PCBP3: variants seen among roughly 807,000 people sequenced by gnomAD.
The protein encoded by PCBP3 is poly(rC)-binding protein 3.
PCBP3 carries 25 observed loss-of-function variants against 52.7 expected under a neutral mutation model. The observed-to-expected ratio is 0.47, with a 90% CI of 0.35 to 0.66. The LOEUF (loss-of-function observed/expected upper bound fraction) is 0.66. Ranked by LOEUF, PCBP3 falls within the 30% of genes least tolerant of loss-of-function variation. The pLI, the probability that PCBP3 is intolerant of heterozygous loss-of-function variation, is 0.01. For synonymous variants in PCBP3, 162 were observed against 183.0 expected (o/e 0.89, Z 0.93); for missense variants, 391 against 490.3 (o/e 0.80, Z 1.91).
chr21:45,842,294 G>T (rs1053950825), intron 4 of PCBP3, among the ~76,000 whole-genome samples: 10 of 152,190 alleles, frequency 6.6e-5, no homozygotes, highest in Non-Finnish European at 1.3e-4. Context: ...TTGCTCTCAG[G>T]ATATTCACCT....
chr21:45,890,062 G>A (rs4819163), intron 5 of PCBP3, among the ~76,000 whole-genome samples: 70,481 of 152,212 alleles, frequency 0.46, 18,012 homozygotes, highest in African/African-American at 0.69. Context: ...CTGGGACTGC[G>A]TCTGTCACTG....
chr21:45,868,578 C>T (rs1310371322), intron 5 of PCBP3, among the ~76,000 whole-genome samples: 3 of 152,308 alleles, frequency 2.0e-5, no homozygotes, highest in South Asian at 2.1e-4. Context: ...ACGTGGGTCT[C>T]GGGGTCCCCA....
At chr21:45,895,577 C>T (rs1041680819) in intron 5 of PCBP3, among the ~76,000 whole-genome samples, 1 of 152,214 alleles carries the variant, frequency 6.6e-6, no homozygotes, top group Non-Finnish European at 1.5e-5. Flanking sequence ...CAGTGGGCTC[C>T]GTCAACTCAC....
intron 9 of PCBP3, among the ~76,000 whole-genome samples, chr21:45,909,107 C>G (rs370743127): frequency 3.3e-5 from 5 of 151,936 alleles, no homozygotes; most frequent in African/African-American, 1.2e-4. Context: ...AAGGCCAGAC[C>G]CGCCCCAACC....
chr21:45,729,334 G>A (rs916848252), intron 2 of PCBP3, among the ~76,000 whole-genome samples: 10 of 152,108 alleles, frequency 6.6e-5, no homozygotes, highest in African/African-American at 1.7e-4. Context: ...TTGTTTCCCC[G>A]TGTTGGCTAT....
chr21:45,846,149 G>A (rs1043511309), intron 4 of PCBP3, among the ~76,000 whole-genome samples: 1 of 152,236 alleles, frequency 6.6e-6, no homozygotes, highest in African/African-American at 2.4e-5. Flanking sequence ...GTTCTGTCAT[G>A]TCACTCTCTC....
intron 4 of PCBP3, among the ~76,000 whole-genome samples, chr21:45,825,416 C>A (rs1444576562): frequency 6.6e-6 from 1 of 152,080 alleles, no homozygotes; most frequent in Non-Finnish European, 1.5e-5. Context: ...AGCCCAGGAC[C>A]TGAGCGCTCA....
At chr21:45,864,328 G>A (rs1216089056) in intron 5 of PCBP3, among the ~76,000 whole-genome samples, 1 of 152,232 alleles carries the variant, frequency 6.6e-6, no homozygotes, top group Non-Finnish European at 1.5e-5. Context: ...TGGATGGAGA[G>A]CATGCACTTT....
At chr21:45,907,512 TC>T (rs1330721631) in intron 9 of PCBP3, among the ~76,000 whole-genome samples, 2 of 152,252 alleles carry the variant, frequency 1.3e-5, no homozygotes, top group Non-Finnish European at 2.9e-5. Context: ...CTTGTTCTAA[TC>T]AGTTCCTACT....
chr21:45,927,901 C>T (rs1353088833), intron 13 of PCBP3, among the ~76,000 whole-genome samples: 1 of 152,212 alleles, frequency 6.6e-6, no homozygotes. Context: ...CCCCGTGCCC[C>T]ATTCCCTGGC....
At chr21:45,822,097 C>T (rs118041244) in intron 4 of PCBP3, among the ~76,000 whole-genome samples, 7 of 152,326 alleles carry the variant, frequency 4.6e-5, no homozygotes, top group East Asian at 3.9e-4. Context: ...TGTCCCTCAA[C>T]GTGTGACTAT....
intron 2 of PCBP3, among the ~76,000 whole-genome samples, chr21:45,729,726 A>G (rs527836381): frequency 1.3e-5 from 2 of 152,204 alleles, no homozygotes; most frequent in African/African-American, 4.8e-5. Flanking sequence ...GCAACTAGAT[A>G]TTTATCAATA....
chr21:45,795,318 T>TC (rs886779153), intron 4 of PCBP3, among the ~76,000 whole-genome samples: 2 of 151,372 alleles, frequency 1.3e-5, no homozygotes, highest in Non-Finnish European at 2.9e-5. Flanking sequence ...TCTTTTTCTT[T>TC]TTTTTTTTTT....
intron 4 of PCBP3, among the ~76,000 whole-genome samples, chr21:45,796,340 C>T (rs576218785): frequency 6.6e-6 from 1 of 152,292 alleles, no homozygotes; most frequent in East Asian, 1.9e-4. Context: ...TTAGTTTTAA[C>T]TGTTTTTATT....
chr21:45,674,005 C>G (rs2081321312), intron 2 of PCBP3, among the ~76,000 whole-genome samples: 1 of 151,456 alleles, frequency 6.6e-6, no homozygotes, highest in South Asian at 2.1e-4. Flanking sequence ...TTAATAATCA[C>G]CATAATACTT....
At chr21:45,661,540 T>C (rs555342445) in intron 1 of PCBP3, among the ~76,000 whole-genome samples, 1 of 152,374 alleles carries the variant, frequency 6.6e-6, no homozygotes, top group South Asian at 2.1e-4. Flanking sequence ...CTACATTTTC[T>C]TTATCCAGTC....
intron 4 of PCBP3, among the ~76,000 whole-genome samples, chr21:45,793,544 G>A (rs1462408393): frequency 1.3e-5 from 2 of 152,060 alleles, no homozygotes; most frequent in Non-Finnish European, 2.9e-5. Context: ...CTAGAAGATC[G>A]TCTCCCCGAG....
intron 15 of PCBP3, among the ~76,000 whole-genome samples, chr21:45,934,312 A>G (rs1244110367): frequency 6.6e-6 from 1 of 152,056 alleles, no homozygotes; most frequent in Non-Finnish European, 1.5e-5. Flanking sequence ...TGTCCAGGAA[A>G]TGGAAATGCT....
chr21:45,746,610 T>C (rs71317796), intron 3 of PCBP3, among the ~76,000 whole-genome samples: 199 of 15,778 alleles, frequency 0.013, 15 homozygotes, highest in East Asian at 0.02. Flanking sequence ...TGTCAGTCCA[T>C]TGACGTAGCG....
Sources: gnomAD v4.1 joint callset for allele counts (sites outside exome capture counted in the v4.1 genomes callset) on GRCh38, gnomAD v4.1.1 for gene constraint, MANE v1.5 for transcripts, NCBI Gene and HGNC (gene_info 2026-07-23, HGNC 2026-07-21) for gene names.